The following ACO1 variants were observed in gnomAD, a reference collection of about 807,000 sequenced individuals.
The protein encoded by ACO1 is cytoplasmic aconitate hydratase.
A neutral mutation model predicts 105.1 loss-of-function variants in ACO1; 78 were observed. The ratio of observed to expected loss-of-function variants is 0.74; its 90% confidence interval spans 0.62 to 0.90. The LOEUF is 0.90. Among genes scored for constraint, ACO1 ranks in the 40% least tolerant of loss-of-function variants. ACO1 has a pLI of 0.00. For missense variants in ACO1, 965 were observed against 1,111.1 expected (o/e 0.87, Z 1.87); for synonymous variants, 364 against 397.4 (o/e 0.92, Z 1.00).
At chr9:32,444,121 TCATC>T (rs1406594452) in intron 19 of ACO1, among the ~76,000 whole-genome samples, 1 of 152,198 alleles carries the variant, frequency 6.6e-6, no homozygotes, top group Non-Finnish European at 1.5e-5. Flanking sequence ...GTTTCCAGCT[TCATC>T]CATGTCCCTG....
chr9:32,431,585 T>G, intron 14 of ACO1, 134 bp from the exon 15 acceptor site: 1 of 924,684 alleles, frequency 1.1e-6, no homozygotes, highest in Non-Finnish European at 1.6e-6. Flanking sequence ...GTGGCAGTGA[T>G]TCCGTATCCA....
In ACO1 at chr9:32,418,031, GGAGATGCAATT is replaced by G. The variant is rs566165856; in HGVS notation, c.405-96_405-86del. The G allele has an allele frequency of 3.2e-4, 320 of 1,015,492 alleles. No homozygotes were observed. In the African/African-American group the frequency reaches 4.8e-3, roughly 15 times the overall value. The allele number at this position is 1,015,492 out of a possible 1,614,324, so 62.9% of individuals were successfully genotyped here. Reference sequence around the variant, plus strand: ...ATTCATATTATCACTCAGCAAGCAAGGAGATGCAATTCCATTTTGTTTCTTCATCACCAATA... The same window carrying G: ...ATTCATATTATCACTCAGCAAGCAAGCCATTTTGTTTCTTCATCACCAATA... On this transcript the variant is annotated intron_variant, in intron 4 of 20. Transcript: ENST00000309951.
intron 7 of ACO1, 58 bp from the exon 8 acceptor site, chr9:32,420,798 C>A: frequency 6.4e-7 from 1 of 1,564,810 alleles, no homozygotes. Flanking sequence ...GATGGTAGTT[C>A]TGCATTTTGA....
intron 4 of ACO1, among the ~76,000 whole-genome samples, chr9:32,416,149 C>T (rs1821843606): frequency 6.7e-6 from 1 of 148,258 alleles, no homozygotes; most frequent in South Asian, 2.1e-4. Flanking sequence ...AGTTGGAGTG[C>T]AGTGGCGCGA....
chr9:32,424,538 G>A lies in ACO1; in HGVS notation c.1072-11G>A, dbSNP rs768655335. 6.4e-7 allele frequency: 1 copy of A among 1,571,534 alleles called. No individual in the cohort carries two copies. Among genetic ancestry groups the A allele is most frequent in the Non-Finnish European group, 8.7e-7 (1 of 1,146,418 alleles). ...GTAAATTCTATAATTTCTTTTCTTT[G>A]GGGTCAACAGGTTGTGGAATTAGAT... On this transcript the variant is annotated splice_polypyrimidine_tract_variant and intron_variant, in intron 9 of 20. Coordinates refer to ENST00000309951, the MANE Select transcript of ACO1 (RefSeq NM_002197.3).
rs950908896 is a variant in ACO1 at position 32,450,525 on chromosome 9, G to A, written c.*414G>A. Reference sequence around the variant, plus strand: ...CTGCTCAATGAAACCTTCCTCTTGAGGGTCATTTTCCTTTCTGTATTAATT... The same window carrying A: ...CTGCTCAATGAAACCTTCCTCTTGAAGGTCATTTTCCTTTCTGTATTAATT... On this transcript the variant is annotated 3_prime_UTR_variant, in exon 21 of 21. Transcript: ENST00000309951. The A allele has an allele frequency of 7.1e-6, 2 of 280,244 alleles. No individual in the cohort carries two copies. Among genetic ancestry groups the A allele is most frequent in the Non-Finnish European group, 1.4e-5 (2 of 143,238 alleles). 17.4% of individuals were successfully genotyped at this position (280,244 alleles called of 1,614,324 possible).
rs369639309 is a variant in ACO1 at position 32,450,163 on chromosome 9, C to T, written c.*52C>T. 5.7e-5 allele frequency: 83 copies of T among 1,467,318 alleles called. No homozygotes were observed. The African/African-American group carries it at 8.2e-4, about 14-fold the overall frequency. The allele number at this position is 1,467,318 out of a possible 1,614,324, so 90.9% of individuals were successfully genotyped here. On this transcript the variant is annotated 3_prime_UTR_variant, in exon 21 of 21. Coordinates refer to ENST00000309951, the MANE Select transcript of ACO1 (RefSeq NM_002197.3). ...GGGAGGAAGCCGCACCACCAGCCAG[C>T]GCAGGCCCTGGTGGAGAGGCCTCCC... is the stretch of plus-strand genomic sequence containing the variant.
At chr9:32,445,674 C>G (rs1286187901) in intron 19 of ACO1, 1 of 237,944 alleles carries the variant, frequency 4.2e-6, no homozygotes, top group African/African-American at 2.4e-5. Flanking sequence ...TTTGTTTGCT[C>G]TTGCTTCTCT....
At chr9:32,399,508 G>A (rs553067364) in intron 1 of ACO1, among the ~76,000 whole-genome samples, 1 of 152,310 alleles carries the variant, frequency 6.6e-6, no homozygotes, top group African/African-American at 2.4e-5. Context: ...GCATCCTGGT[G>A]ATATGCAAAT....
intron 1 of ACO1, among the ~76,000 whole-genome samples, chr9:32,387,071 C>G (rs748351314): frequency 1.3e-5 from 2 of 152,304 alleles, no homozygotes; most frequent in African/African-American, 4.8e-5. Flanking sequence ...TAAAAACCAA[C>G]GTGTATCACC....
chr9:32,427,290 C>G lies in ACO1; in HGVS notation c.1349-11C>G, dbSNP rs1391021825. On this transcript the variant is annotated splice_polypyrimidine_tract_variant and intron_variant, in intron 11 of 20. Transcript: ENST00000309951. ...GCCTCCCACACTGCATCTGTGTTTA[C>G]CATTTCACAGGATTGTTAGCAAAGA... 1 of 1,614,014 alleles carries G rather than the reference C, an allele frequency of 6.2e-7. No individual in the cohort carries two copies. Among genetic ancestry groups the G allele is most frequent in the East Asian group, 2.2e-5 (1 of 44,848 alleles).
At chr9:32,410,688 T>A (rs2118424079) in intron 4 of ACO1, among the ~76,000 whole-genome samples, 1 of 152,280 alleles carries the variant, frequency 6.6e-6, no homozygotes, top group East Asian at 1.9e-4. Context: ...TTTGTCCTTT[T>A]CTCCAAAAGG....
At position 32,452,077 on chromosome 9, in the gene ACO1, A is replaced by AAAATT. The variant is rs1462597625; in HGVS notation, c.*1968_*1969insATTAA. 6.6e-6 allele frequency: 1 copy of AAAATT among 152,206 alleles called. No homozygotes were observed. The highest frequency in any genetic ancestry group is 2.4e-5 in the African/African-American group (1 of 41,444). The allele number at this position is 152,206 out of a possible 1,614,324, so 9.4% of individuals were successfully genotyped here. ...AAAGCTCCGTCTCAAAAAAAAAAAA[A>AAAATT]AATTACAAACAAACAGAACTCCATT... On this transcript the variant is annotated 3_prime_UTR_variant, in exon 21 of 21. Coordinates refer to ENST00000309951, the MANE Select transcript of ACO1 (RefSeq NM_002197.3).
chr9:32,409,660 G>A (rs1319981378), intron 4 of ACO1, among the ~76,000 whole-genome samples: 1 of 151,844 alleles, frequency 6.6e-6, no homozygotes, highest in African/African-American at 2.4e-5. Context: ...ATACCAGCCT[G>A]GGCAACACAG....
chr9:32,434,972 GC>G (rs1320926828), intron 17 of ACO1, among the ~76,000 whole-genome samples: 1 of 152,104 alleles, frequency 6.6e-6, no homozygotes, highest in Admixed American at 6.5e-5. Context: ...TGTCATCCCT[GC>G]CCCCGGCTTG....
intron 1 of ACO1, among the ~76,000 whole-genome samples, chr9:32,391,341 T>C (rs950116582): frequency 6.6e-6 from 1 of 152,220 alleles, no homozygotes; most frequent in Non-Finnish European, 1.5e-5. Context: ...GTTGCAAATA[T>C]GTGAAGACGC....
intron 1 of ACO1, among the ~76,000 whole-genome samples, chr9:32,401,224 A>G (rs1393242221): frequency 6.6e-6 from 1 of 152,182 alleles, no homozygotes; most frequent in African/African-American, 2.4e-5. Flanking sequence ...TCTGAAACAC[A>G]TGGAAGTTTT....
At position 32,433,775 on chromosome 9, in the gene ACO1, G is replaced by A. The variant is rs748012927; in HGVS notation, c.1899G>A (p.Leu633=). 2.5e-6 allele frequency: 4 copies of A among 1,612,940 alleles called. No homozygotes were observed. The East Asian group carries it at 8.9e-5, about 36-fold the overall frequency. Residue 633 remains leucine (L), a synonymous_variant, in exon 16 of 21, where the codon CTG becomes CTA. Coordinates refer to ENST00000309951, the MANE Select transcript of ACO1 (RefSeq NM_002197.3). ...CCTTAGCAACCCCATCAGATAAGCT[G>A]TTTTTCTGGAATTCCAAATCTACGT... ...WNALATPSDK[L]FFWNSKSTYI... is the part of the protein sequence containing the mutation.
intron 11 of ACO1, 24 bp from the exon 12 acceptor site, chr9:32,427,277 G>C: frequency 6.2e-7 from 1 of 1,613,710 alleles, no homozygotes; most frequent in Middle Eastern, 1.7e-4. Context: ...CTCCCACACT[G>C]CATCTGTGTT....
Sources: allele counts gnomAD v4.1 joint callset (sites outside exome capture counted in the v4.1 genomes callset), GRCh38; gene constraint gnomAD v4.1.1; transcripts MANE v1.5; gene names NCBI Gene and HGNC (gene_info 2026-07-23, HGNC 2026-07-21).